Variants in PAWR observed in about 807,000 individuals in gnomAD.
PAWR encodes PRKC apoptosis WT1 regulator protein.
PAWR carries 23 observed loss-of-function variants against 32.0 expected under a neutral mutation model. The observed-to-expected ratio is 0.72, with a 90% confidence interval of 0.52 to 1.02. The LOEUF (loss-of-function observed/expected upper bound fraction) is 1.02. Among genes scored for constraint, PAWR ranks in the 50% least tolerant of loss-of-function variants. PAWR has a pLI of 0.00. For synonymous variants in PAWR, 226 were observed against 187.1 expected (o/e 1.21, Z -1.70); for missense variants, 457 against 437.7 (o/e 1.04, Z -0.39).
intron 3 of PAWR, among the ~76,000 whole-genome samples, chr12:79,617,720 A>G (rs1370463949): frequency 6.6e-6 from 1 of 152,186 alleles, no homozygotes; most frequent in Non-Finnish European, 1.5e-5. Context: ...TAATTAGCAT[A>G]TATGTCTGAT....
intron 2 of PAWR, among the ~76,000 whole-genome samples, chr12:79,688,830 G>C (rs1462527888): frequency 1.3e-5 from 2 of 152,192 alleles, no homozygotes; most frequent in Non-Finnish European, 2.9e-5. Flanking sequence ...GGTGAAACAA[G>C]GTAGTTGAAC....
At chr12:79,625,914 C>A (rs181378155) in intron 2 of PAWR, among the ~76,000 whole-genome samples, 1 of 151,828 alleles carries the variant, frequency 6.6e-6, no homozygotes, top group African/African-American at 2.4e-5. Flanking sequence ...CACAGTGGTT[C>A]AGCACATTGG....
At chr12:79,613,859 C>T (rs1197011015) in intron 3 of PAWR, among the ~76,000 whole-genome samples, 1 of 136,678 alleles carries the variant, frequency 7.3e-6, no homozygotes, top group African/African-American at 2.6e-5. Context: ...ATGGACAAGG[C>T]CGGGGGCATC....
intron 2 of PAWR, among the ~76,000 whole-genome samples, chr12:79,663,008 A>G (rs1480014471): frequency 6.6e-6 from 1 of 152,234 alleles, no homozygotes; most frequent in Admixed American, 6.5e-5. Context: ...TTCTAAGCCT[A>G]AAGATAGGCA....
At chr12:79,608,437 G>T (rs1478266620) in intron 4 of PAWR, among the ~76,000 whole-genome samples, 1 of 152,148 alleles carries the variant, frequency 6.6e-6, no homozygotes, top group Admixed American at 6.5e-5. Context: ...GCTCCTATGA[G>T]AATCTAATGC....
intron 2 of PAWR, among the ~76,000 whole-genome samples, chr12:79,639,900 CCA>C (rs1876233383): frequency 7.9e-6 from 1 of 126,990 alleles, no homozygotes; most frequent in Non-Finnish European, 1.5e-5. Context: ...CCATTCCATT[CCA>C]TTCCATTCCA....
intron 2 of PAWR, among the ~76,000 whole-genome samples, chr12:79,630,707 A>G (rs1471600335): frequency 2.0e-5 from 3 of 152,140 alleles, no homozygotes; most frequent in Non-Finnish European, 4.4e-5. Flanking sequence ...ACAGCTCTCT[A>G]TCTAGTAAAG....
chr12:79,647,342 C>T (rs1035167554), intron 2 of PAWR, among the ~76,000 whole-genome samples: 2 of 151,876 alleles, frequency 1.3e-5, no homozygotes, highest in East Asian at 1.9e-4. Flanking sequence ...AAAATTGATA[C>T]AAATGTTATT....
At chr12:79,604,740 A>C in intron 4 of PAWR, 1 of 1,245,780 alleles carries the variant, frequency 8.0e-7, no homozygotes, top group South Asian at 1.3e-5. Context: ...ACAAACATAC[A>C]CATAAGCACA....
rs1256183491 is a variant in PAWR at position 79,611,353 on chromosome 12, A to G, written c.683+2222T>C. ...ATTTTCTATTTTCAGTTATATATAT[A>G]TAAAAAATAAGTTATTAGGTTTACT... On this transcript the variant is annotated intron_variant, in intron 4 of 6. Coordinates refer to ENST00000328827, the MANE Select transcript of PAWR (RefSeq NM_002583.4). 4.0e-5 allele frequency among the ~76,000 whole-genome samples: 6 copies of G among 149,064 alleles called. No individual in the cohort carries two copies. The East Asian group carries it at 1.2e-3, about 29-fold the overall frequency.
At chr12:79,675,699 G>A (rs1878130095) in intron 2 of PAWR, among the ~76,000 whole-genome samples, 1 of 152,070 alleles carries the variant, frequency 6.6e-6, no homozygotes, top group African/African-American at 2.4e-5. Flanking sequence ...ACACATGGAC[G>A]CAAAGAAGGA....
chr12:79,613,302 A>G (rs1458517565), intron 4 of PAWR, among the ~76,000 whole-genome samples: 1 of 152,216 alleles, frequency 6.6e-6, no homozygotes, highest in Non-Finnish European at 1.5e-5. Context: ...TCAATGTTTA[A>G]ATACATGAGA....
chr12:79,639,310 TTTC>T (rs1398943775), intron 2 of PAWR, among the ~76,000 whole-genome samples: 3 of 152,154 alleles, frequency 2.0e-5, no homozygotes, highest in Non-Finnish European at 2.9e-5. Context: ...ACCAGTTCTC[TTTC>T]TTATTATTCA....
At chr12:79,656,145 G>A (rs1183359190) in intron 2 of PAWR, among the ~76,000 whole-genome samples, 1 of 152,212 alleles carries the variant, frequency 6.6e-6, no homozygotes, top group Non-Finnish European at 1.5e-5. Flanking sequence ...CGGGCAGAGG[G>A]AGCAAAGACG....
chr12:79,608,185 G>A (rs1287462806), intron 4 of PAWR, among the ~76,000 whole-genome samples: 1 of 152,040 alleles, frequency 6.6e-6, no homozygotes, highest in Admixed American at 6.6e-5. Context: ...GGTTCTAGTC[G>A]GTTTCTTATG....
chr12:79,639,844 CT>C lies in PAWR; in HGVS notation c.517-18638del, dbSNP rs1876202479. Reference sequence around the variant, plus strand: ...TCCTTTTCCTTTTCCATTCCTATTCCTATTCCTATTCCTATTCCTATTCCTA... The same window carrying C: ...TCCTTTTCCTTTTCCATTCCTATTCCATTCCTATTCCTATTCCTATTCCTA... On this transcript the variant is annotated intron_variant, in intron 2 of 6. Coordinates refer to ENST00000328827, the MANE Select transcript of PAWR (RefSeq NM_002583.4). Among the ~76,000 whole-genome samples, 167 of 94,568 alleles carry C rather than the reference CT, an allele frequency of 1.8e-3. 2 individuals are homozygous for C. Among genetic ancestry groups the C allele is most frequent in the East Asian group, 0.012 (47 of 3,850 alleles). 62.0% of individuals were successfully genotyped at this position (94,568 alleles called of 152,430 possible).
intron 2 of PAWR, among the ~76,000 whole-genome samples, chr12:79,680,288 A>G (rs1194033396): frequency 6.6e-6 from 1 of 152,222 alleles, no homozygotes; most frequent in Non-Finnish European, 1.5e-5. Flanking sequence ...AGTTCACTGC[A>G]TACGTTATGA....
At chr12:79,664,233 T>A (rs1286414726) in intron 2 of PAWR, among the ~76,000 whole-genome samples, 1 of 152,094 alleles carries the variant, frequency 6.6e-6, no homozygotes, top group East Asian at 1.9e-4. Context: ...AGACCCCAAC[T>A]TTTTTTTAAG....
intron 2 of PAWR, among the ~76,000 whole-genome samples, chr12:79,646,672 G>C (rs1382445495): frequency 6.6e-6 from 1 of 152,104 alleles, no homozygotes; most frequent in Non-Finnish European, 1.5e-5. Flanking sequence ...AGGAGAAAGA[G>C]AATTATATTC....
Sources: gnomAD v4.1 joint callset for allele counts (sites outside exome capture counted in the v4.1 genomes callset) on GRCh38, gnomAD v4.1.1 for gene constraint, MANE v1.5 for transcripts, NCBI Gene and HGNC (gene_info 2026-07-23, HGNC 2026-07-21) for gene names.